Variants in KYAT3 observed in about 807,000 individuals in gnomAD.
The protein encoded by KYAT3 is kynurenine--oxoglutarate transaminase 3.
Under a neutral mutation model 59.0 loss-of-function variants are expected in KYAT3, and 50 were observed. The observed-to-expected ratio is 0.85, with a 90% CI of 0.68 to 1.07. The LOEUF is 1.07. Ranked by LOEUF, KYAT3 falls within the 50% of genes least tolerant of loss-of-function variation. The pLI is 0.00. For synonymous variants in KYAT3, 148 were observed against 177.0 expected (o/e 0.84, Z 1.30); for missense variants, 497 against 533.3 (o/e 0.93, Z 0.67).
chr1:88,946,697 C>T (rs1450966119), intron 11 of KYAT3, among the ~76,000 whole-genome samples: 1 of 152,082 alleles, frequency 6.6e-6, no homozygotes, highest in East Asian at 1.9e-4. Context: ...ATGAACTGCA[C>T]ATTTAGACTC....
At chr1:88,988,395 T>G in intron 1 of KYAT3, 44 bp from the exon 2 acceptor site, 5 of 1,108,372 alleles carry the variant, frequency 4.5e-6, no homozygotes, top group East Asian at 2.4e-5. Flanking sequence ...AAATATATGA[T>G]GGGTACATCA....
In KYAT3 at chr1:88,937,734, T is replaced by C. The variant is rs189469935; in HGVS notation, c.1303-1489A>G. 3.9e-4 allele frequency among the ~76,000 whole-genome samples: 60 copies of C among 152,314 alleles called. 1 individual carries two copies. Among genetic ancestry groups the C allele is most frequent in the African/African-American group, 1.4e-3 (57 of 41,580 alleles). ...ATAAATGAAATCATGTGCCACCTGA[T>C]ACAATGAAAAGGATAGAGTATCATC... On this transcript the variant is annotated intron_variant, in intron 13 of 13. Transcript: ENST00000260508.
intron 2 of KYAT3, chr1:88,983,262 T>A (rs757154055): frequency 8.7e-6 from 14 of 1,613,698 alleles, no homozygotes; most frequent in Non-Finnish European, 1.1e-5. Flanking sequence ...CCTCCATAAC[T>A]ATCTCTTCCA....
At chr1:88,946,909 A>C (rs1014315640) in intron 11 of KYAT3, among the ~76,000 whole-genome samples, 3 of 152,348 alleles carry the variant, frequency 2.0e-5, no homozygotes, top group African/African-American at 7.2e-5. Context: ...GTTTGAGCCA[A>C]ACCTCATGTA....
At chr1:88,943,450 C>A in intron 11 of KYAT3, 27 bp from the exon 12 acceptor site, 1 of 1,223,154 alleles carries the variant, frequency 8.2e-7, no homozygotes, top group South Asian at 1.3e-5. Flanking sequence ...AATTAGGTGG[C>A]CTATGAATTT....
At chr1:88,975,800 T>C (rs1405501459) in intron 2 of KYAT3, among the ~76,000 whole-genome samples, 2 of 152,052 alleles carry the variant, frequency 1.3e-5, no homozygotes, top group African/African-American at 4.8e-5. Context: ...TTTGGGAGGC[T>C]GGGGTGGGTG....
chr1:88,955,139 C>T lies in KYAT3; in HGVS notation c.864+10G>A, dbSNP rs1557687714. On this transcript the variant is annotated intron_variant, in intron 9 of 13. Coordinates refer to ENST00000260508, the MANE Select transcript of KYAT3 (RefSeq NM_001008661.3). Reference sequence around the variant, plus strand: ...CTATTTTTAAGCAATTAAATTCTTACTCATCTTACCTTCCAGCCAGTTACA... The same window carrying T: ...CTATTTTTAAGCAATTAAATTCTTATTCATCTTACCTTCCAGCCAGTTACA... 6.4e-7 allele frequency: 1 copy of T among 1,563,008 alleles called. No individual in the cohort carries two copies. The highest frequency in any genetic ancestry group is 8.8e-7 in the Non-Finnish European group (1 of 1,134,216).
chr1:88,941,893 G>T (rs1337111769), intron 13 of KYAT3, among the ~76,000 whole-genome samples: 2 of 152,160 alleles, frequency 1.3e-5, no homozygotes, highest in Non-Finnish European at 2.9e-5. Context: ...AGCAGTTTAT[G>T]ATGTACCTAA....
chr1:88,962,242 G>A, intron 5 of KYAT3, 97 bp from the exon 6 acceptor site: 1 of 915,746 alleles, frequency 1.1e-6, no homozygotes, highest in Non-Finnish European at 1.8e-6. Flanking sequence ...ACTATGTGTT[G>A]GGATACAGCA....
intron 13 of KYAT3, among the ~76,000 whole-genome samples, chr1:88,936,720 G>C (rs968363257): frequency 9.9e-5 from 15 of 152,202 alleles, no homozygotes; most frequent in African/African-American, 3.6e-4. Flanking sequence ...AGGTTTCATA[G>C]TTGTAATTAT....
intron 2 of KYAT3, among the ~76,000 whole-genome samples, chr1:88,985,591 C>A (rs528454260): frequency 6.6e-6 from 1 of 152,160 alleles, no homozygotes; most frequent in Non-Finnish European, 1.5e-5. Context: ...CATCAAAACT[C>A]CTAGTGTGTG....
chr1:88,930,176 G>C, the KYAT3 span, among the ~76,000 whole-genome samples: 1 of 152,200 alleles, frequency 6.6e-6, no homozygotes, highest in Non-Finnish European at 1.5e-5. Flanking sequence ...TTTACTGGTA[G>C]TGGCAGCAGT....
chr1:88,927,403 C>A, the KYAT3 span, among the ~76,000 whole-genome samples: 2 of 152,124 alleles, frequency 1.3e-5, no homozygotes, highest in African/African-American at 4.8e-5. Flanking sequence ...TACAGCTAGA[C>A]CTCTTTTGTA....
chr1:88,978,098 A>T (rs940661697), intron 2 of KYAT3, among the ~76,000 whole-genome samples: 2 of 152,056 alleles, frequency 1.3e-5, no homozygotes, highest in African/African-American at 4.8e-5. Context: ...ATATATGTAT[A>T]TAATATACAC....
intron 13 of KYAT3, among the ~76,000 whole-genome samples, chr1:88,938,803 T>G (rs56228627): frequency 6.6e-6 from 1 of 152,212 alleles, no homozygotes; most frequent in Non-Finnish European, 1.5e-5. Flanking sequence ...GGCATTTAGG[T>G]TGATCTGAAT....
rs58858903 is a variant in KYAT3, at chr1:88,948,091, CAAACAAAACAAAACA to C, written c.1141+985_1141+999del. Among the ~76,000 whole-genome samples the C allele has an allele frequency of 4.1e-3, 606 of 146,132 alleles. 5 individuals are homozygous for C. Among genetic ancestry groups the C allele is most frequent in the South Asian group, 0.016 (72 of 4,504 alleles). ...TGGGTGACAGGGCCAGACCCTGCCT[CAAACAAAACAAAACA>C]AAACAAAACAAAACAAAACAAAACA... On this transcript the variant is annotated intron_variant, in intron 11 of 13. Transcript: ENST00000260508.
the KYAT3 span, chr1:88,923,863 C>T: frequency 2.9e-5 from 5 of 170,884 alleles, no homozygotes; most frequent in Admixed American, 6.4e-5. Flanking sequence ...GCTGCTCAGT[C>T]TTGCAGAGGG....
chr1:88,969,975 A>G (rs148680336), intron 2 of KYAT3, among the ~76,000 whole-genome samples: 55 of 152,248 alleles, frequency 3.6e-4, no homozygotes, highest in African/African-American at 1.3e-3. Flanking sequence ...TGCTTTTTCA[A>G]ATGAAATTTA....
intron 1 of KYAT3, among the ~76,000 whole-genome samples, chr1:88,992,138 C>G (rs962236986): frequency 1.1e-4 from 17 of 152,046 alleles, no homozygotes; most frequent in Admixed American, 9.2e-4. Flanking sequence ...GCCACCACGC[C>G]CGGCTAATTT....
Sources: gnomAD v4.1 joint callset for allele counts (sites outside exome capture counted in the v4.1 genomes callset) on GRCh38, gnomAD v4.1.1 for gene constraint, MANE v1.5 for transcripts, NCBI Gene and HGNC (gene_info 2026-07-23, HGNC 2026-07-21) for gene names.